PDSS2: variants seen among roughly 807,000 people sequenced by gnomAD.
PDSS2 encodes decaprenyl diphosphate synthase subunit 2.
A neutral mutation model predicts 44.5 loss-of-function variants in PDSS2; 31 were observed. That is an observed-to-expected ratio of 0.70 (90% CI 0.52 to 0.94). PDSS2 has a LOEUF of 0.94. Ranked by LOEUF, PDSS2 falls within the 40% of genes least tolerant of loss-of-function variation. The pLI is 0.00. For synonymous variants in PDSS2, 157 were observed against 180.3 expected (o/e 0.87, Z 1.03); for missense variants, 452 against 482.2 (o/e 0.94, Z 0.59).
At position 107,293,283 on chromosome 6, in the gene PDSS2, C is replaced by G. The variant is rs143566128; in HGVS notation, c.432-19056G>C. 1.8e-3 allele frequency among the ~76,000 whole-genome samples: 271 copies of G among 152,212 alleles called. 3 individuals carry two copies. The highest frequency in any genetic ancestry group is 6.3e-3 in the African/African-American group (260 of 41,522). On this transcript the variant is annotated intron_variant, in intron 2 of 7. Coordinates refer to ENST00000369037, the MANE Select transcript of PDSS2 (RefSeq NM_020381.4). Reference sequence around the variant, plus strand: ...AGGAGATCAGACCTGCCTCTCTGACCCCCATCTACCGAAGCAAAACGACTG... The same window carrying G: ...AGGAGATCAGACCTGCCTCTCTGACGCCCATCTACCGAAGCAAAACGACTG...
At chr6:107,348,594 A>T (rs1778326774) in intron 1 of PDSS2, among the ~76,000 whole-genome samples, 1 of 152,196 alleles carries the variant, frequency 6.6e-6, no homozygotes, top group South Asian at 2.1e-4. Flanking sequence ...AAACCCAAAT[A>T]AAAAAATTAA....
At chr6:107,393,375 T>C (rs1263538142) in intron 1 of PDSS2, among the ~76,000 whole-genome samples, 1 of 152,186 alleles carries the variant, frequency 6.6e-6, no homozygotes, top group Non-Finnish European at 1.5e-5. Context: ...CATTCTGTGA[T>C]TTCAAAACTT....
intron 4 of PDSS2, among the ~76,000 whole-genome samples, chr6:107,231,327 T>C (rs1774043135): frequency 1.3e-5 from 2 of 152,192 alleles, no homozygotes; most frequent in Non-Finnish European, 2.9e-5. Context: ...AGATGTTGAC[T>C]TAGTTCCACA....
intron 7 of PDSS2, among the ~76,000 whole-genome samples, chr6:107,169,906 G>A (rs558640035): frequency 6.6e-6 from 1 of 152,310 alleles, no homozygotes; most frequent in Non-Finnish European, 1.5e-5. Context: ...ATGCCTCCCA[G>A]TTAGGCTACT....
At chr6:107,171,641 G>C (rs993329396) in intron 7 of PDSS2, among the ~76,000 whole-genome samples, 1 of 152,028 alleles carries the variant, frequency 6.6e-6, no homozygotes, top group Non-Finnish European at 1.5e-5. Flanking sequence ...CTTCCGAGTA[G>C]CTAGGGCTAT....
At chr6:107,273,889 T>G (rs1775684282) in intron 3 of PDSS2, 140 bp downstream of exon 3, 2 of 713,424 alleles carry the variant, frequency 2.8e-6, no homozygotes, top group Non-Finnish European at 5.1e-6. Flanking sequence ...GCCATCATTA[T>G]GTTCATCACA....
intron 1 of PDSS2, among the ~76,000 whole-genome samples, chr6:107,348,758 G>A (rs1033272900): frequency 1.3e-5 from 2 of 152,152 alleles, no homozygotes; most frequent in African/African-American, 2.4e-5. Flanking sequence ...ATACACCAGC[G>A]ACTCAATGTT....
intron 6 of PDSS2, among the ~76,000 whole-genome samples, chr6:107,198,178 T>G (rs542945923): frequency 8.5e-5 from 13 of 152,342 alleles, no homozygotes; most frequent in African/African-American, 1.2e-4. Flanking sequence ...TTTGCAAACC[T>G]CAAACTCTCT....
In PDSS2 at chr6:107,183,777, C is replaced by T. The variant is rs559183936; in HGVS notation, c.1041+10045G>A. Among the ~76,000 whole-genome samples, 3 of 152,236 alleles carry T rather than the reference C, an allele frequency of 2.0e-5. 1 individual carries two copies. Among genetic ancestry groups the T allele is most frequent in the African/African-American group, 7.2e-5 (3 of 41,548 alleles). On this transcript the variant is annotated intron_variant, in intron 7 of 7. Coordinates refer to ENST00000369037, the MANE Select transcript of PDSS2 (RefSeq NM_020381.4). ...GGGTGCAGTGGTGCACACCTGTAGT[C>T]GCAGCTACTTGGGAGGCTGAGGCAG...
At chr6:107,174,242 T>G (rs1211015406) in intron 7 of PDSS2, among the ~76,000 whole-genome samples, 1 of 152,044 alleles carries the variant, frequency 6.6e-6, no homozygotes, top group Non-Finnish European at 1.5e-5. Flanking sequence ...CTGAAGTAAT[T>G]AAATGGAAGA....
intron 3 of PDSS2, among the ~76,000 whole-genome samples, chr6:107,245,959 G>A (rs1774599983): frequency 6.6e-6 from 1 of 152,112 alleles, no homozygotes; most frequent in Non-Finnish European, 1.5e-5. Context: ...GTTTATTTCT[G>A]TCAGGTGGAT....
chr6:107,458,926 T>G, intron 1 of PDSS2, 64 bp downstream of exon 1: 1 of 1,468,230 alleles, frequency 6.8e-7, no homozygotes, highest in Non-Finnish European at 9.5e-7. Context: ...AGAATGCGTA[T>G]GCCCGCCAGA....
intron 1 of PDSS2, among the ~76,000 whole-genome samples, chr6:107,438,345 A>C (rs531398180): frequency 1.3e-5 from 2 of 152,210 alleles, no homozygotes; most frequent in East Asian, 3.9e-4. Context: ...AGTAGCTGGA[A>C]TTACAAGCAT....
At chr6:107,413,133 T>C (rs1780554646) in intron 1 of PDSS2, among the ~76,000 whole-genome samples, 1 of 152,238 alleles carries the variant, frequency 6.6e-6, no homozygotes. Flanking sequence ...TCAAAGTTTT[T>C]CAGAATTTAG....
At chr6:107,319,189 T>C (rs1194525761) in intron 2 of PDSS2, among the ~76,000 whole-genome samples, 2 of 152,200 alleles carry the variant, frequency 1.3e-5, no homozygotes, top group Non-Finnish European at 2.9e-5. Context: ...TTTTTGAATG[T>C]TTTAAATATT....
At chr6:107,232,071 C>G (rs1774070089) in intron 4 of PDSS2, among the ~76,000 whole-genome samples, 1 of 152,034 alleles carries the variant, frequency 6.6e-6, no homozygotes, top group Non-Finnish European at 1.5e-5. Flanking sequence ...CCTGATTTGT[C>G]TAGCACAGTT....
At chr6:107,434,094 A>C (rs766198659) in intron 1 of PDSS2, among the ~76,000 whole-genome samples, 1 of 152,238 alleles carries the variant, frequency 6.6e-6, no homozygotes, top group Non-Finnish European at 1.5e-5. Context: ...TCATCAAAAG[A>C]TAAGCAATAA....
At position 107,455,596 on chromosome 6, in the gene PDSS2, AT is replaced by A. The variant is rs376880027; in HGVS notation, c.296+3393del. Among the ~76,000 whole-genome samples the A allele has an allele frequency of 3.4e-3, 515 of 152,040 alleles. 3 individuals carry two copies. Among genetic ancestry groups the A allele is most frequent in the African/African-American group, 0.012 (496 of 41,438 alleles). On this transcript the variant is annotated intron_variant, in intron 1 of 7. Transcript: ENST00000369037. ...TGGTGAAACCCCTTCTCTACTAAAA[AT>A]ACAAAAATTAGCTGGGCGTGGTGGC...
Position 107,153,112 on chromosome 6 carries a change from T to C in PDSS2, c.*1507A>G, listed in dbSNP as rs1458216727. The C allele has an allele frequency of 6.6e-6, 1 of 152,630 alleles. No individual in the cohort carries two copies. The allele number at this position is 152,630 out of a possible 1,614,324, so 9.5% of individuals were successfully genotyped here. On this transcript the variant is annotated 3_prime_UTR_variant, in exon 8 of 8. Transcript: ENST00000369037. ...CCTGATAAAATGGTTTTATAACTTT[T>C]GGGGGAGGGCTTTAACTAAAATAAC...
Sources: gnomAD v4.1 joint callset for allele counts (sites outside exome capture counted in the v4.1 genomes callset) on GRCh38, gnomAD v4.1.1 for gene constraint, MANE v1.5 for transcripts, NCBI Gene and HGNC (gene_info 2026-07-23, HGNC 2026-07-21) for gene names.